The following CYP3A7 variants were observed in gnomAD, a reference collection of about 807,000 sequenced individuals.
CYP3A7 encodes the protein cytochrome P450 3A7.
CYP3A7 carries 45 observed loss-of-function variants against 55.2 expected under a neutral mutation model. The observed-to-expected ratio is 0.82, with a 90% confidence interval of 0.64 to 1.05. CYP3A7 has a LOEUF of 1.05. Ranked by LOEUF, CYP3A7 falls within the 50% of genes least tolerant of loss-of-function variation. The pLI, the probability that CYP3A7 is intolerant of heterozygous loss-of-function variation, is 0.00. For synonymous variants in CYP3A7, 180 were observed against 207.4 expected, an observed-to-expected ratio of 0.87 and a Z score of 1.13; for missense variants, 548 against 605.3, an observed-to-expected ratio of 0.91 and a Z score of 0.99.
At chr7:99,713,412 A>G in intron 9 of CYP3A7, 57 bp downstream of exon 9, 2 of 1,610,236 alleles carry the variant, frequency 1.2e-6, no homozygotes, top group African/African-American at 2.7e-5. Context: ...CATTTTCAGA[A>G]CAAAACCTTC....
chr7:99,711,112 G>A lies in CYP3A7; in HGVS notation c.866-220C>T, dbSNP rs549421736. ...GTTTTCCCCCAATGTCTTCAAGAAC[G>A]TAGACCATCCGCTCCTCCTCGTGCC... On this transcript the variant is annotated intron_variant, in intron 9 of 12. Transcript: ENST00000336374. Among the ~76,000 whole-genome samples, 11 of 152,232 alleles carry A rather than the reference G, an allele frequency of 7.2e-5. No individual in the cohort carries two copies. The South Asian group carries it at 1.9e-3, about 26-fold the overall frequency.
At chr7:99,709,744 C>T (rs566991795) in intron 10 of CYP3A7, among the ~76,000 whole-genome samples, 1 of 151,306 alleles carries the variant, frequency 6.6e-6, no homozygotes, top group South Asian at 2.1e-4. Flanking sequence ...CAAACAAAAA[C>T]AGTTACAAAG....
chr7:99,720,514 C>G, intron 3 of CYP3A7, 102 bp from the exon 4 acceptor site: 1 of 1,275,810 alleles, frequency 7.8e-7, no homozygotes, highest in Non-Finnish European at 1.1e-6. Context: ...ACATAATCCT[C>G]TAGATGTACA....
At chr7:99,716,004 C>A (rs758282412) in intron 6 of CYP3A7, 98 bp from the exon 7 acceptor site, 4 of 1,605,342 alleles carry the variant, frequency 2.5e-6, no homozygotes, top group Non-Finnish European at 3.4e-6. Context: ...TCAAGACAGA[C>A]AAACAGCCAC....
Position 99,710,729 on chromosome 7 carries a change from C to T in CYP3A7, c.1026+3G>A, listed in dbSNP as rs759894645. 1.2e-6 allele frequency: 2 copies of T among 1,613,822 alleles called. No individual in the cohort carries two copies. Among genetic ancestry groups the T allele is most frequent in the South Asian group, 1.1e-5 (1 of 91,084 alleles). ...CCTCCTTCTCCATGTACTGTCCACT[C>T]ACCTTATTGGGTAAAACTGTATCAA... On this transcript the variant is annotated splice_donor_region_variant and intron_variant, in intron 10 of 12. Coordinates refer to ENST00000336374, the MANE Select transcript of CYP3A7 (RefSeq NM_000765.5).
intron 10 of CYP3A7, 127 bp downstream of exon 10, chr7:99,710,605 T>C: frequency 6.6e-7 from 1 of 1,524,224 alleles, no homozygotes; most frequent in Non-Finnish European, 8.8e-7. Context: ...TTTGAGAGCC[T>C]TCCTACATAT....
Position 99,709,076 on chromosome 7 carries a change from G to T in CYP3A7, c.1212C>A (p.Asp404Glu). 1 of 1,613,932 alleles carries T rather than the reference G, an allele frequency of 6.2e-7. No homozygotes were observed. The highest frequency in any genetic ancestry group is 1.3e-5 in the African/African-American group (1 of 74,994). Residue 404 changes from aspartate (D) to glutamate (E), a missense_variant, in exon 11 of 13, where the codon GAC (aspartate) becomes GAA (glutamate). Physicochemically the swap from Asp to Glu is conservative, Grantham distance 45. Transcript: ENST00000336374. ...TCTCAGGCTCTGTCCAGTACTTTGG[G>T]TCATGATGAAGAACATAGCTTGGAA... ...VMIPSYVLHH[D>E]PKYWTEPEKF...
intron 1 of CYP3A7, 98 bp downstream of exon 1, chr7:99,734,925 C>T (rs888376476): frequency 2.5e-5 from 40 of 1,580,004 alleles, no homozygotes; most frequent in Non-Finnish European, 3.2e-5. Context: ...CCAGCCTGAA[C>T]ATCCTTTTTG....
intron 9 of CYP3A7, among the ~76,000 whole-genome samples, chr7:99,711,842 T>C (rs1403453214): frequency 2.0e-5 from 3 of 152,140 alleles, no homozygotes; most frequent in East Asian, 3.8e-4. Context: ...ATTGAACTAC[T>C]GATTCAAGTC....
intron 2 of CYP3A7, 75 bp downstream of exon 2, chr7:99,730,984 A>G: frequency 6.4e-7 from 1 of 1,568,566 alleles, no homozygotes; most frequent in Non-Finnish European, 8.8e-7. Context: ...TCTTGAGGAG[A>G]AGCATTTTTA....
chr7:99,708,917 C>A, intron 11 of CYP3A7, 118 bp downstream of exon 11: 1 of 1,225,034 alleles, frequency 8.2e-7, no homozygotes, highest in African/African-American at 1.5e-5. Context: ...TTGAAAAAAC[C>A]TTTTAAACAT....
At chr7:99,717,136 C>T (rs1431350856) in intron 6 of CYP3A7, 41 bp downstream of exon 6, 6 of 1,611,962 alleles carry the variant, frequency 3.7e-6, no homozygotes, top group Admixed American at 1.7e-5. Context: ...GCTGGAGGGG[C>T]TCATGACAGC....
At chr7:99,729,669 A>G (rs1463958161) in intron 2 of CYP3A7, among the ~76,000 whole-genome samples, 4 of 152,114 alleles carry the variant, frequency 2.6e-5, no homozygotes, top group African/African-American at 9.7e-5. Flanking sequence ...TGATTGATCA[A>G]TCAACCTGGT....
At chr7:99,728,635 C>T (rs2151531437) in intron 2 of CYP3A7, among the ~76,000 whole-genome samples, 1 of 152,296 alleles carries the variant, frequency 6.6e-6, no homozygotes, top group Non-Finnish European at 1.5e-5. Context: ...GGTACATGTA[C>T]ACTAGTATTT....
intron 12 of CYP3A7, among the ~76,000 whole-genome samples, chr7:99,707,227 G>A (rs576839965): frequency 5.9e-5 from 9 of 152,350 alleles, no homozygotes; most frequent in African/African-American, 2.2e-4. Context: ...GCCTTGGACT[G>A]TGGTAGTCCT....
At chr7:99,724,218 T>C (rs1260583996) in intron 2 of CYP3A7, among the ~76,000 whole-genome samples, 4 of 152,212 alleles carry the variant, frequency 2.6e-5, no homozygotes, top group Non-Finnish European at 5.9e-5. Context: ...TAAAACCCCC[T>C]TTGACTAACA....
chr7:99,721,571 G>T (rs1357917526), intron 3 of CYP3A7, among the ~76,000 whole-genome samples: 2 of 152,218 alleles, frequency 1.3e-5, no homozygotes, highest in Admixed American at 1.3e-4. Context: ...GTGATGCTGG[G>T]AGTCCCTGGG....
intron 2 of CYP3A7, among the ~76,000 whole-genome samples, chr7:99,730,276 A>G (rs1584524806): frequency 6.6e-6 from 1 of 152,194 alleles, no homozygotes; most frequent in Non-Finnish European, 1.5e-5. Context: ...GTGATTTTGC[A>G]TGTGATTCTG....
intron 2 of CYP3A7, 34 bp downstream of exon 2, chr7:99,731,025 T>C (rs1563029143): frequency 6.2e-7 from 1 of 1,612,148 alleles, no homozygotes; most frequent in Non-Finnish European, 8.5e-7. Context: ...TTTGCAATCA[T>C]AAGAAGCAAA....
Sources: gnomAD v4.1 joint callset for allele counts (sites outside exome capture counted in the v4.1 genomes callset) on GRCh38, gnomAD v4.1.1 for gene constraint, MANE v1.5 for transcripts, NCBI Gene and HGNC (gene_info 2026-07-23, HGNC 2026-07-21) for gene names.